ARHGAP15: variants seen among roughly 807,000 people sequenced by gnomAD.
The protein encoded by ARHGAP15 is rho GTPase-activating protein 15.
A neutral mutation model predicts 63.7 loss-of-function variants in ARHGAP15; 51 were observed. The observed-to-expected ratio is 0.80, with a 90% CI of 0.64 to 1.01. ARHGAP15 has a LOEUF of 1.01. ARHGAP15 is among the 50% of genes least tolerant of loss of function. The pLI is 0.00. For missense variants in ARHGAP15, 560 were observed against 564.6 expected (o/e 0.99, Z 0.08); for synonymous variants, 191 against 193.8 (o/e 0.99, Z 0.12).
At chr2:143,237,760 A>C (rs1693710652) in intron 5 of ARHGAP15, 2 of 152,144 alleles carry the variant, frequency 1.3e-5, no homozygotes, top group South Asian at 4.1e-4. Flanking sequence ...ATAAATTCAA[A>C]AACATTGTAA....
intron 6 of ARHGAP15, among the ~76,000 whole-genome samples, chr2:143,288,612 C>T (rs1009504110): frequency 7.9e-6 from 1 of 126,684 alleles, no homozygotes; most frequent in South Asian, 2.9e-4. Flanking sequence ...CCCTTAGATT[C>T]CTCGGGACAC....
intron 5 of ARHGAP15, among the ~76,000 whole-genome samples, chr2:143,229,579 T>G (rs1034618874): frequency 2.0e-5 from 3 of 152,064 alleles, no homozygotes; most frequent in South Asian, 2.1e-4. Flanking sequence ...GCCTCCTGAT[T>G]AGGAAGGACT....
intron 10 of ARHGAP15, among the ~76,000 whole-genome samples, chr2:143,550,747 G>A (rs985586416): frequency 1.3e-5 from 2 of 152,150 alleles, no homozygotes; most frequent in Admixed American, 1.3e-4. Flanking sequence ...GCTCTCCTTT[G>A]TGAAACTAAA....
intron 6 of ARHGAP15, among the ~76,000 whole-genome samples, chr2:143,416,818 A>ACCTCC (rs1558957067): frequency 2.1e-5 from 2 of 96,442 alleles, no homozygotes; most frequent in Admixed American, 2.1e-4. Flanking sequence ...CACTTCCCCC[A>ACCTCC]CCACCCCCCC....
intron 11 of ARHGAP15, among the ~76,000 whole-genome samples, chr2:143,603,099 C>G (rs1697841821): frequency 6.6e-6 from 1 of 152,138 alleles, no homozygotes; most frequent in Non-Finnish European, 1.5e-5. Flanking sequence ...ATTGATTTTG[C>G]CTGCCTGGCT....
intron 6 of ARHGAP15, among the ~76,000 whole-genome samples, chr2:143,380,072 T>C (rs1303831786): frequency 1.3e-5 from 2 of 152,090 alleles, no homozygotes; most frequent in Non-Finnish European, 2.9e-5. Flanking sequence ...GTTATAGCCC[T>C]CAAGCAGATC....
chr2:143,198,514 T>C (rs1482489003), intron 2 of ARHGAP15, among the ~76,000 whole-genome samples: 2 of 152,092 alleles, frequency 1.3e-5, no homozygotes, highest in Non-Finnish European at 2.9e-5. Flanking sequence ...CACTAGTAAA[T>C]GGTTTTGGTG....
intron 8 of ARHGAP15, among the ~76,000 whole-genome samples, chr2:143,457,544 A>T (rs1475322393): frequency 6.6e-6 from 1 of 150,798 alleles, no homozygotes; most frequent in Non-Finnish European, 1.5e-5. Flanking sequence ...TTTAATATAT[A>T]TATATTTATG....
intron 6 of ARHGAP15, among the ~76,000 whole-genome samples, chr2:143,400,708 G>C (rs1416228090): frequency 2.6e-5 from 4 of 151,940 alleles, no homozygotes; most frequent in Non-Finnish European, 1.5e-5. Flanking sequence ...CTTATGGATA[G>C]GGTGTTCCGT....
At chr2:143,366,489 T>TA (rs1388609915) in intron 6 of ARHGAP15, among the ~76,000 whole-genome samples, 1 of 152,060 alleles carries the variant, frequency 6.6e-6, no homozygotes, top group African/African-American at 2.4e-5. Context: ...GCACATTTGA[T>TA]AAAAATTCCA....
intron 10 of ARHGAP15, among the ~76,000 whole-genome samples, chr2:143,522,999 T>A (rs967630133): frequency 1.3e-5 from 2 of 152,194 alleles, no homozygotes; most frequent in Admixed American, 1.3e-4. Context: ...TAAACTGGTA[T>A]AACAAGTAAG....
At chr2:143,712,210 A>C (rs951679565) in intron 13 of ARHGAP15, among the ~76,000 whole-genome samples, 1 of 152,226 alleles carries the variant, frequency 6.6e-6, no homozygotes, top group Non-Finnish European at 1.5e-5. Flanking sequence ...ATGTGCACCA[A>C]GTACATGCGA....
intron 1 of ARHGAP15, among the ~76,000 whole-genome samples, chr2:143,138,227 A>C (rs1052903394): frequency 2.0e-5 from 3 of 152,120 alleles, no homozygotes; most frequent in Non-Finnish European, 4.4e-5. Flanking sequence ...ATCCACAAAA[A>C]TCATGTAAAG....
At chr2:143,630,543 C>A (rs370964313) in intron 12 of ARHGAP15, among the ~76,000 whole-genome samples, 1 of 152,202 alleles carries the variant, frequency 6.6e-6, no homozygotes, top group East Asian at 1.9e-4. Context: ...TGGTTACTTT[C>A]ATAACTCTAG....
intron 12 of ARHGAP15, among the ~76,000 whole-genome samples, chr2:143,673,758 G>GTGTGTGTGTGTGTGTGTA (rs1553520615): frequency 4.5e-5 from 1 of 22,116 alleles, no homozygotes; most frequent in African/African-American, 8.1e-5. Context: ...GTGTGTGTGT[G>GTGTGTGTGTGTGTGTGTA]TATATATATA....
chr2:143,741,666 G>A (rs371446143), intron 13 of ARHGAP15, among the ~76,000 whole-genome samples: 13 of 152,304 alleles, frequency 8.5e-5, no homozygotes, highest in African/African-American at 2.4e-4. Context: ...CTGCTTTACC[G>A]AATACATTTG....
At chr2:143,354,218 T>C (rs1484868345) in intron 6 of ARHGAP15, among the ~76,000 whole-genome samples, 1 of 152,156 alleles carries the variant, frequency 6.6e-6, no homozygotes, top group Non-Finnish European at 1.5e-5. Flanking sequence ...GTTTTGAAAC[T>C]GCAGCTCCTC....
At chr2:143,174,343 C>G (rs1212277614) in intron 2 of ARHGAP15, among the ~76,000 whole-genome samples, 2 of 152,180 alleles carry the variant, frequency 1.3e-5, no homozygotes, top group East Asian at 3.9e-4. Flanking sequence ...TCACAAAAAG[C>G]TAAATGAAAA....
At chr2:143,373,316 G>A (rs139500551) in intron 6 of ARHGAP15, among the ~76,000 whole-genome samples, 1 of 151,974 alleles carries the variant, frequency 6.6e-6, no homozygotes, top group Admixed American at 6.6e-5. Context: ...GTGCTTAACC[G>A]TCACATTTGC....
Sources: gnomAD v4.1 joint callset for allele counts (sites outside exome capture counted in the v4.1 genomes callset) on GRCh38, gnomAD v4.1.1 for gene constraint, MANE v1.5 for transcripts, NCBI Gene and HGNC (gene_info 2026-07-23, HGNC 2026-07-21) for gene names.